Variants in FGD3 observed in about 807,000 individuals in gnomAD.
The protein encoded by FGD3 is FYVE, RhoGEF and PH domain-containing protein 3.
In FGD3, 45 loss-of-function variants were observed where a neutral mutation model predicts 71.8. That is an observed-to-expected ratio of 0.63 (90% CI 0.49 to 0.80). FGD3 has a LOEUF of 0.80. Among genes scored for constraint, FGD3 ranks in the 30% least tolerant of loss-of-function variants. The probability of loss-of-function intolerance (pLI) is 0.00; values close to 1 mark genes in which losing one functional copy is unlikely to be tolerated. For synonymous variants in FGD3, 378 were observed against 392.8 expected, an observed-to-expected ratio of 0.96 and a Z score of 0.44; for missense variants, 844 against 951.5, an observed-to-expected ratio of 0.89 and a Z score of 1.49.
chr9:92,996,381 T>C (rs1036158547), intron 3 of FGD3, among the ~76,000 whole-genome samples: 2 of 152,246 alleles, frequency 1.3e-5, no homozygotes, highest in Non-Finnish European at 2.9e-5. Context: ...TCTTTATTAG[T>C]CTTGCTAATG....
intron 1 of FGD3, among the ~76,000 whole-genome samples, chr9:92,959,058 C>G (rs1859118394): frequency 6.6e-6 from 1 of 152,170 alleles, no homozygotes. Flanking sequence ...CTCCCAGGTT[C>G]AAGCAATTCT....
At chr9:92,955,402 G>A (rs1350929250) in intron 1 of FGD3, among the ~76,000 whole-genome samples, 1 of 152,074 alleles carries the variant, frequency 6.6e-6, no homozygotes, top group African/African-American at 2.4e-5. Flanking sequence ...CAGGCATGGT[G>A]GTGCATGCCT....
intron 14 of FGD3, among the ~76,000 whole-genome samples, chr9:93,024,209 G>A (rs1168120517): frequency 6.6e-6 from 1 of 152,228 alleles, no homozygotes; most frequent in East Asian, 1.9e-4. Flanking sequence ...GGAAAGTTAT[G>A]AAAAGCAATG....
chr9:92,976,660 ACT>A lies in FGD3; in HGVS notation c.407_408del (p.Ser136Ter). The A allele has an allele frequency of 1.2e-6, 2 of 1,610,052 alleles. No homozygotes were observed. Among genetic ancestry groups the A allele is most frequent in the Non-Finnish European group, 1.7e-6 (2 of 1,178,458 alleles). ...GACAGCGACGTGGGTGAGGAACCTG[ACT>A]CTGAGAACACCCCCCAGAAGGCTGA... is the stretch of plus-strand genomic sequence containing the variant. On this transcript the variant is annotated frameshift_variant, in exon 3 of 18. Coordinates refer to ENST00000375482, the MANE Select transcript of FGD3 (RefSeq NM_001083536.2). LOFTEE classifies it high-confidence loss of function.
At chr9:93,015,510 G>T (rs1861640653) in intron 9 of FGD3, 1 of 406,450 alleles carries the variant, frequency 2.5e-6, no homozygotes, top group East Asian at 3.8e-5. Context: ...CATGTTCATG[G>T]TTTAAAAATT....
chr9:92,993,248 C>G (rs1228499125), intron 3 of FGD3, among the ~76,000 whole-genome samples: 1 of 152,140 alleles, frequency 6.6e-6, no homozygotes, highest in East Asian at 1.9e-4. Flanking sequence ...TGTAGGTGTA[C>G]ACCATTGCAT....
chr9:92,971,566 CTTTTTT>C (rs869043960), intron 1 of FGD3, among the ~76,000 whole-genome samples: 20 of 39,582 alleles, frequency 5.1e-4, no homozygotes, highest in South Asian at 1.3e-3. Context: ...CTTTTCTTTT[CTTTTTT>C]TTTTTTTTTT....
At chr9:92,951,395 A>G (rs1034362606) in intron 1 of FGD3, among the ~76,000 whole-genome samples, 1 of 152,180 alleles carries the variant, frequency 6.6e-6, no homozygotes, top group Non-Finnish European at 1.5e-5. Context: ...AAAGTTGTGT[A>G]GCCAAACAGG....
At chr9:92,994,559 C>A (rs1860553719) in intron 3 of FGD3, among the ~76,000 whole-genome samples, 1 of 152,158 alleles carries the variant, frequency 6.6e-6, no homozygotes, top group Non-Finnish European at 1.5e-5. Context: ...ATGCTTATGG[C>A]CTGAATGGTA....
chr9:93,014,078 C>T, intron 9 of FGD3, 80 bp downstream of exon 9: 1 of 1,492,276 alleles, frequency 6.7e-7, no homozygotes, highest in Admixed American at 2.4e-5. Flanking sequence ...CAGGAGGGCT[C>T]TGGCTGCCCA....
chr9:92,974,027 C>T (rs1011255495), intron 1 of FGD3, among the ~76,000 whole-genome samples: 10 of 152,208 alleles, frequency 6.6e-5, no homozygotes, highest in South Asian at 2.1e-4. Flanking sequence ...CATTCATTCC[C>T]GTCTCTCAGG....
chr9:93,024,331 G>A (rs1587867825), intron 14 of FGD3, among the ~76,000 whole-genome samples: 1 of 152,350 alleles, frequency 6.6e-6, no homozygotes, highest in East Asian at 1.9e-4. Flanking sequence ...ATGAGGCACT[G>A]CCTGATCAGC....
rs780143061 is a variant in FGD3, at chr9:92,976,785, G to A, written c.453+76G>A. ...GAGGGGTTTGAGATTTTCAGTGGGC[G>A]TCATCCCACACCTTGTTTCCAGGAA... On this transcript the variant is annotated intron_variant, in intron 3 of 17. Transcript: ENST00000375482. 7.7e-5 allele frequency: 107 copies of A among 1,389,072 alleles called. No individual in the cohort carries two copies. In the Middle Eastern group the frequency reaches 4.3e-3, roughly 55 times the overall value. 86.0% of individuals were successfully genotyped at this position (1,389,072 alleles called of 1,614,324 possible). A position where few individuals can be genotyped will look rare whatever the true frequency, so the allele number is the denominator to read the frequency against.
At chr9:92,958,003 T>C (rs1207702044) in intron 1 of FGD3, among the ~76,000 whole-genome samples, 3 of 57,490 alleles carry the variant, frequency 5.2e-5, no homozygotes, top group Middle Eastern at 0.026. Flanking sequence ...AAATATTTAA[T>C]TTTTTTTTTT....
At chr9:93,031,179 C>A (rs1862344436) in intron 15 of FGD3, among the ~76,000 whole-genome samples, 1 of 152,136 alleles carries the variant, frequency 6.6e-6, no homozygotes, top group African/African-American at 2.4e-5. Context: ...ATCTGTGCCT[C>A]TTAAAGAACT....
At position 92,958,862 on chromosome 9, in the gene FGD3, A is replaced by G. The variant is rs1005955977; in HGVS notation, c.-218+11133A>G. On this transcript the variant is annotated intron_variant, in intron 1 of 17. Coordinates refer to ENST00000375482, the MANE Select transcript of FGD3 (RefSeq NM_001083536.2). Reference sequence around the variant, plus strand: ...GTACTGGCACCTTCATTGAAAATCAATTGAACAAATGAATGAAAATCTATT... The same window carrying G: ...GTACTGGCACCTTCATTGAAAATCAGTTGAACAAATGAATGAAAATCTATT... Among the ~76,000 whole-genome samples the G allele has an allele frequency of 3.3e-5, 5 of 152,260 alleles. 1 individual carries two copies. Among genetic ancestry groups the G allele is most frequent in the Non-Finnish European group, 7.3e-5 (5 of 68,040 alleles).
Position 93,022,409 on chromosome 9 carries a change from C to A in FGD3, c.1557+20C>A, listed in dbSNP as rs751926543. ...GCAGGGGTAAGTGCCCCATGCTCAGCGGTCAGCAGGGGTGAAAGGCAGAGC... is the reference window on the plus strand; with the variant it reads ...GCAGGGGTAAGTGCCCCATGCTCAGAGGTCAGCAGGGGTGAAAGGCAGAGC... On this transcript the variant is annotated intron_variant, in intron 14 of 17. Coordinates refer to ENST00000375482, the MANE Select transcript of FGD3 (RefSeq NM_001083536.2). 33 of 1,609,092 alleles carry A rather than the reference C, an allele frequency of 2.1e-5. No homozygotes were observed. Among genetic ancestry groups the A allele is most frequent in the Non-Finnish European group, 2.5e-5 (30 of 1,177,272 alleles).
Position 93,034,647 on chromosome 9 carries a change from A to AT in FGD3, c.1893dup (p.Pro632SerfsTer32), listed in dbSNP as rs1229666844. On this transcript the variant is annotated frameshift_variant, in exon 17 of 18. Coordinates refer to ENST00000375482, the MANE Select transcript of FGD3 (RefSeq NM_001083536.2). LOFTEE classifies it low-confidence loss of function (END_TRUNC). ...GTGTGGGCCGCCATCCCCATGTCAG[A>AT]TCCCCAGGTGCTGCACCTGCAGGGA... The AT allele has an allele frequency of 9.9e-6, 16 of 1,613,178 alleles. No individual in the cohort carries two copies. The highest frequency in any genetic ancestry group is 1.3e-5 in the African/African-American group (1 of 74,870).
chr9:93,026,088 T>G (rs1219026429), intron 14 of FGD3, among the ~76,000 whole-genome samples: 1 of 152,246 alleles, frequency 6.6e-6, no homozygotes, highest in Non-Finnish European at 1.5e-5. Flanking sequence ...GCTCCAATTC[T>G]GTGTAACTCA....
Sources: allele counts gnomAD v4.1 joint callset (sites outside exome capture counted in the v4.1 genomes callset), GRCh38; gene constraint gnomAD v4.1.1; transcripts MANE v1.5; gene names NCBI Gene and HGNC (gene_info 2026-07-23, HGNC 2026-07-21).